The following VNN2 variants were observed in gnomAD, a reference collection of about 807,000 sequenced individuals.
VNN2 encodes vanin 2.
VNN2 carries 43 observed loss-of-function variants against 43.0 expected under a neutral mutation model. The ratio of observed to expected loss-of-function variants is 1.00; its 90% CI spans 0.78 to 1.29. VNN2 has a LOEUF of 1.29. Among genes scored for constraint, VNN2 ranks in the 50% most tolerant of loss-of-function variants. The pLI, the probability that VNN2 is intolerant of heterozygous loss-of-function variation, is 0.00. For missense variants in VNN2, 652 were observed against 619.7 expected (o/e 1.05, Z -0.55); for synonymous variants, 230 against 224.3 (o/e 1.03, Z -0.23).
At chr6:132,746,536 G>A (rs1038514672) in intron 6 of VNN2, among the ~76,000 whole-genome samples, 9 of 143,842 alleles carry the variant, frequency 6.3e-5, no homozygotes, top group Non-Finnish European at 1.1e-4. Context: ...CCAAGAATGG[G>A]TTATTGGACT....
upstream of VNN2, among the ~76,000 whole-genome samples, chr6:132,762,562 C>T (rs946885688): frequency 2.6e-5 from 4 of 152,174 alleles, no homozygotes; most frequent in African/African-American, 7.2e-5. Context: ...GAGTCAGGCC[C>T]TGTAAAAGGC....
rs763140658 is a variant in VNN2 at position 132,751,172 on chromosome 6, A to G, written c.1173T>C (p.His391=). The part of the protein sequence containing the change: ...VYVLGAFTGL[H]GRRRREYWQV... ...GCCAGTACTCTCTTCTCCTTCGGCC[A>G]TGTAATCCTGTAAAAGCTCCTAGAA... is the stretch of plus-strand genomic sequence containing the variant. The change falls in exon 5 of 7, where the codon CAT becomes CAC. Residue 391 remains histidine, a synonymous_variant. Transcript: ENST00000326499. The G allele has an allele frequency of 1.1e-5, 17 of 1,610,108 alleles. No homozygotes were observed. The highest frequency in any genetic ancestry group is 1.3e-5 in the Non-Finnish European group (15 of 1,178,344).
At chr6:132,744,624 G>C in intron 6 of VNN2, 133 bp from the exon 7 acceptor site, 1 of 856,960 alleles carries the variant, frequency 1.2e-6, no homozygotes, top group Non-Finnish European at 1.7e-6. Context: ...CAGCAAGTAG[G>C]CCAGGCAGGG....
chr6:132,757,667 A>G lies in VNN2; in HGVS notation c.213+4T>C, dbSNP rs1191901417. On this transcript the variant is annotated splice_donor_region_variant and intron_variant, in intron 1 of 6. Coordinates refer to ENST00000326499, the MANE Select transcript of VNN2 (RefSeq NM_004665.6). ...CATTATGATTAACAGAAATAAGAGA[A>G]TACCTGCTCAGCTGCCTGCTTGATC... 6.2e-7 allele frequency: 1 copy of G among 1,613,614 alleles called. No homozygotes were observed. The highest frequency in any genetic ancestry group is 8.5e-7 in the Non-Finnish European group (1 of 1,179,550).
intron 5 of VNN2, among the ~76,000 whole-genome samples, chr6:132,750,515 T>TA (rs1359427541): frequency 6.2e-5 from 6 of 97,376 alleles, no homozygotes; most frequent in South Asian, 3.3e-4. Flanking sequence ...ATATATATAT[T>TA]TTTCCAGGTG....
At chr6:132,761,648 A>T (rs1165647509), upstream of VNN2, among the ~76,000 whole-genome samples, 1 of 152,226 alleles carries the variant, frequency 6.6e-6, no homozygotes, top group East Asian at 1.9e-4. Flanking sequence ...TGACAGAGTG[A>T]GACTCTGTCT....
In VNN2 at chr6:132,752,576, A is replaced by G; in HGVS notation, c.711T>C (p.Ala237=). 6.2e-7 allele frequency: 1 copy of G among 1,614,206 alleles called. No homozygotes were observed. Among genetic ancestry groups the G allele is most frequent in the Non-Finnish European group, 8.5e-7 (1 of 1,180,024 alleles). ...FHVDTILFPT[A]WMNVLPLLTA... The stretch of plus-strand genomic sequence containing the variant: ...TCAAAAGGGGCAAAACGTTCATCCA[A>G]GCTGTGGGAAACAGTATGGTGTCCA... The change falls in exon 4 of 7, where the codon GCT becomes GCC. Residue 237 remains alanine (A), a synonymous_variant. Transcript: ENST00000326499.
At chr6:132,760,017 T>C (rs1780703213), upstream of VNN2, among the ~76,000 whole-genome samples, 1 of 152,200 alleles carries the variant, frequency 6.6e-6, no homozygotes, top group Non-Finnish European at 1.5e-5. Flanking sequence ...GATAGGAATC[T>C]GAGGCATAGA....
In VNN2 at chr6:132,744,348, T is replaced by C; in HGVS notation, c.1515A>G (p.Ile505Met). 6.2e-7 allele frequency: 1 copy of C among 1,612,840 alleles called. No homozygotes were observed. The highest frequency in any genetic ancestry group is 8.5e-7 in the Non-Finnish European group (1 of 1,179,660). ...AAGCTATGATCATTAATAATATGAA[T>C]ATTAGCAGGTAAGTTATTGCTGAAT... The part of the protein sequence containing the change: ...TSNSAITYLL[I>M]FILLMIIALQ... Residue 505 changes from isoleucine (I) to methionine (M), a missense_variant, in exon 7 of 7, where the codon ATA becomes ATG. Transcript: ENST00000326499.
intron 3 of VNN2, 94 bp downstream of exon 3, chr6:132,755,749 A>G: frequency 7.9e-7 from 1 of 1,263,100 alleles, no homozygotes; most frequent in Admixed American, 2.7e-5. Flanking sequence ...CTCTAGTAAT[A>G]TTGTATCATA....
At chr6:132,752,927 A>G (rs1245643037) in intron 3 of VNN2, 178 bp from the exon 4 acceptor site, 6 of 629,832 alleles carry the variant, frequency 9.5e-6, no homozygotes, top group Admixed American at 6.2e-5. Context: ...GGAATATGTA[A>G]CATACGTCCA....
intron 5 of VNN2, 119 bp from the exon 6 acceptor site, chr6:132,749,984 T>C (rs1779962693): frequency 1.0e-6 from 1 of 980,352 alleles, no homozygotes; most frequent in Non-Finnish European, 1.4e-6. Flanking sequence ...GAAAAGGGAT[T>C]TGGATCATGT....
At chr6:132,748,106 A>G (rs959682368) in intron 6 of VNN2, among the ~76,000 whole-genome samples, 18 of 152,238 alleles carry the variant, frequency 1.2e-4, no homozygotes, top group Admixed American at 1.3e-4. Flanking sequence ...AATATAATGC[A>G]TCAATATGGC....
chr6:132,763,242 T>C (rs1369744118), intron 1 of VNN2: 1 of 150,712 alleles, frequency 6.6e-6, no homozygotes, highest in East Asian at 1.9e-4. Context: ...AAAAAAAAGA[T>C]AGATTAAAAA....
chr6:132,754,191 TA>T (rs1303766490), intron 3 of VNN2, among the ~76,000 whole-genome samples: 1 of 152,052 alleles, frequency 6.6e-6, no homozygotes, highest in Non-Finnish European at 1.5e-5. Context: ...TTACTGCAAA[TA>T]AACTGCATTG....
intron 3 of VNN2, 101 bp from the exon 4 acceptor site, chr6:132,752,850 T>C (rs898661065): frequency 7.7e-7 from 1 of 1,302,894 alleles, no homozygotes; most frequent in African/African-American, 1.5e-5. Flanking sequence ...TATGGTCAAC[T>C]GCAGGGAATC....
chr6:132,759,552 A>G (rs958354991), upstream of VNN2, among the ~76,000 whole-genome samples: 30 of 152,076 alleles, frequency 2.0e-4, no homozygotes, highest in African/African-American at 7.2e-4. Flanking sequence ...TGCCAAATAA[A>G]GGATTTGTTT....
At chr6:132,759,017 C>T (rs1244582638), upstream of VNN2, among the ~76,000 whole-genome samples, 1 of 151,950 alleles carries the variant, frequency 6.6e-6, no homozygotes, top group East Asian at 1.9e-4. Flanking sequence ...CCACCCCCTG[C>T]TTTGGAGGAA....
At position 132,751,348 on chromosome 6, in the gene VNN2, G is replaced by T; in HGVS notation, c.997C>A (p.Gln333Lys). 6.2e-7 allele frequency: 1 copy of T among 1,614,134 alleles called. No homozygotes were observed. The highest frequency in any genetic ancestry group is 8.5e-7 in the Non-Finnish European group (1 of 1,180,014). ...ATAAATCCCCTGAAAGTGTTTTTCT[G>T]TACTGGAAATGGTTTGATGGTGGTG... ...YATTIKPFPV[Q>K]KNTFRGFISR... Residue 333 changes from glutamine (Q) to lysine (K), a missense_variant, in exon 5 of 7, where the codon CAG becomes AAG. Coordinates refer to ENST00000326499, the MANE Select transcript of VNN2 (RefSeq NM_004665.6).
Sources: allele counts gnomAD v4.1 joint callset (sites outside exome capture counted in the v4.1 genomes callset), GRCh38; gene constraint gnomAD v4.1.1; transcripts MANE v1.5; gene names NCBI Gene and HGNC (gene_info 2026-07-23, HGNC 2026-07-21).